The following RIMS2 variants were observed in gnomAD, a reference collection of about 807,000 sequenced individuals.
The protein encoded by RIMS2 is regulating synaptic membrane exocytosis protein 2.
In RIMS2, 59 loss-of-function variants were observed where a neutral mutation model predicts 174.4. The ratio of observed to expected loss-of-function variants is 0.34; its 90% CI spans 0.27 to 0.42. The LOEUF is 0.42. Among genes scored for constraint, RIMS2 ranks in the 10% least tolerant of loss-of-function variants. The pLI, the probability that RIMS2 is intolerant of heterozygous loss-of-function variation, is 1.00. For missense variants in RIMS2, 1,620 were observed against 1,666.3 expected (o/e 0.97, Z 0.48); for synonymous variants, 606 against 572.5 (o/e 1.06, Z -0.84).
At chr8:103,631,381 G>C in intron 1 of RIMS2, among the ~76,000 whole-genome samples, 1 of 152,182 alleles carries the variant, frequency 6.6e-6, no homozygotes, top group Admixed American at 6.5e-5. Flanking sequence ...CATTTATTGC[G>C]TAGAGATTCT....
intron 1 of RIMS2, among the ~76,000 whole-genome samples, chr8:103,631,059 A>G (rs1192288200): frequency 1.3e-5 from 2 of 152,098 alleles, no homozygotes; most frequent in Admixed American, 1.3e-4. Context: ...ATTTTCTCCC[A>G]TTCTGTAGGT....
intron 3 of RIMS2, among the ~76,000 whole-genome samples, chr8:103,824,053 A>C (rs1426689100): frequency 1.3e-5 from 2 of 152,056 alleles, no homozygotes; most frequent in Admixed American, 1.3e-4. Context: ...ATGGCTTTTG[A>C]TTTAGATATG....
At chr8:104,137,049 A>G (rs1172342868) in intron 19 of RIMS2, among the ~76,000 whole-genome samples, 1 of 152,218 alleles carries the variant, frequency 6.6e-6, no homozygotes, top group Non-Finnish European at 1.5e-5. Context: ...CATTATTATC[A>G]GTCATCTACA....
rs60639460 is a variant in RIMS2, at chr8:103,756,390, G to GTT, written c.388-9825_388-9824dup. Among the ~76,000 whole-genome samples, 359 of 112,446 alleles carry GTT rather than the reference G, an allele frequency of 3.2e-3. 4 individuals carry two copies. Among genetic ancestry groups the GTT allele is most frequent in the Middle Eastern group, 8.8e-3 (2 of 228 alleles). The allele number at this position is 112,446 out of a possible 152,430, so 73.8% of individuals were successfully genotyped here. ...GTTTTTTGTTGTTGTTGTTGTTTTT[G>GTT]TTTTTTTTTTTTTGCAGGACTCTTG... On this transcript the variant is annotated intron_variant, in intron 2 of 23. Coordinates refer to ENST00000504942, the Ensembl canonical transcript of RIMS2.
Position 103,927,959 on chromosome 8 carries a change from C to T in RIMS2, c.2244+70C>T, listed in dbSNP as rs369397058. ...CCTATTTGTATGTTTTTGGAAAATGCGTTAGTAGGAAAACTTTTTTTGTTA... is the reference window on the plus strand; with the variant it reads ...CCTATTTGTATGTTTTTGGAAAATGTGTTAGTAGGAAAACTTTTTTTGTTA... On this transcript the variant is annotated intron_variant, in intron 11 of 23. Coordinates refer to ENST00000504942, the Ensembl canonical transcript of RIMS2. The T allele has an allele frequency of 6.8e-5, 87 of 1,281,902 alleles. 1 individual carries two copies. The Admixed American group carries it at 1.6e-3, about 24-fold the overall frequency. 79.4% of individuals were successfully genotyped at this position (1,281,902 alleles called of 1,614,324 possible).
intron 2 of RIMS2, among the ~76,000 whole-genome samples, chr8:103,754,894 G>A (rs1366031907): frequency 3.3e-5 from 5 of 152,108 alleles, no homozygotes; most frequent in Non-Finnish European, 7.4e-5. Flanking sequence ...TTGCCAGTCT[G>A]TGTCTTTTAA....
intron 4 of RIMS2, among the ~76,000 whole-genome samples, chr8:103,903,174 T>A (rs2154524984): frequency 6.6e-6 from 1 of 152,244 alleles, no homozygotes; most frequent in South Asian, 2.1e-4. Flanking sequence ...AGCAATCTGT[T>A]AGATATCACA....
intron 1 of RIMS2, among the ~76,000 whole-genome samples, chr8:103,661,169 G>A (rs967623979): frequency 1.1e-4 from 17 of 152,306 alleles, no homozygotes; most frequent in African/African-American, 3.8e-4. Context: ...TCAATATAAT[G>A]TCTGTGAGAT....
At chr8:103,656,510 A>G (rs1364055700) in intron 1 of RIMS2, among the ~76,000 whole-genome samples, 2 of 152,106 alleles carry the variant, frequency 1.3e-5, no homozygotes, top group African/African-American at 4.8e-5. Context: ...TGTGGTTCCT[A>G]CTCTCAAATA....
chr8:104,204,254 A>G (rs1334390633), intron 19 of RIMS2, among the ~76,000 whole-genome samples: 1 of 152,228 alleles, frequency 6.6e-6, no homozygotes, highest in Non-Finnish European at 1.5e-5. Context: ...GAGGAGAATT[A>G]AGAACTTTGT....
intron 1 of RIMS2, among the ~76,000 whole-genome samples, chr8:103,630,652 A>G (rs901605803): frequency 6.6e-6 from 1 of 151,878 alleles, no homozygotes; most frequent in African/African-American, 2.4e-5. Context: ...TTGAAAGACT[A>G]TGATAAGTCA....
chr8:103,889,532 G>C (rs772078096), intron 4 of RIMS2, among the ~76,000 whole-genome samples: 3 of 151,256 alleles, frequency 2.0e-5, no homozygotes, highest in Non-Finnish European at 3.0e-5. Flanking sequence ...ATTTTTTTTC[G>C]AGGTCCTAGT....
At chr8:104,055,762 C>T (rs914402781) in intron 19 of RIMS2, among the ~76,000 whole-genome samples, 8 of 152,094 alleles carry the variant, frequency 5.3e-5, no homozygotes, top group African/African-American at 1.9e-4. Context: ...CTAAAAGATC[C>T]TTCTACATAA....
chr8:103,623,287 TGGTA>T lies in RIMS2; in HGVS notation c.177-73797_177-73794del, dbSNP rs2095679960. 2.6e-5 allele frequency among the ~76,000 whole-genome samples: 4 copies of T among 152,200 alleles called. No individual in the cohort carries two copies. The South Asian group carries it at 8.3e-4, about 32-fold the overall frequency. On this transcript the variant is annotated intron_variant, in intron 1 of 23. Transcript: ENST00000504942. The stretch of plus-strand genomic sequence containing the variant: ...GGAGTACAATAGCTACCTCATAGAC[TGGTA>T]GTTCAGATTAAGTAAAACAATAAAT...
At chr8:103,624,669 T>G (rs1429099888) in intron 1 of RIMS2, among the ~76,000 whole-genome samples, 1 of 152,196 alleles carries the variant, frequency 6.6e-6, no homozygotes, top group Non-Finnish European at 1.5e-5. Flanking sequence ...TTTATTCTAT[T>G]TAATACACAA....
chr8:104,247,943 G>A (rs138192345), intron 20 of RIMS2, among the ~76,000 whole-genome samples: 6 of 152,120 alleles, frequency 3.9e-5, no homozygotes, highest in Non-Finnish European at 7.3e-5. Flanking sequence ...TCAAAGGATC[G>A]AGCTCCAGTG....
chr8:103,666,800 T>C (rs1158722148), intron 1 of RIMS2, among the ~76,000 whole-genome samples: 1 of 152,136 alleles, frequency 6.6e-6, no homozygotes, highest in Non-Finnish European at 1.5e-5. Flanking sequence ...TTTACGTAGG[T>C]GAGAGTGTGA....
chr8:103,726,409 TTTTTCTTTTA>T (rs2097528079), intron 2 of RIMS2, among the ~76,000 whole-genome samples: 1 of 152,160 alleles, frequency 6.6e-6, no homozygotes, highest in Admixed American at 6.6e-5. Context: ...ATTTATTAAC[TTTTTCTTTTA>T]TGGTTAGTGC....
chr8:103,791,713 G>C (rs1343583623), intron 3 of RIMS2, among the ~76,000 whole-genome samples: 1 of 152,062 alleles, frequency 6.6e-6, no homozygotes, highest in Admixed American at 6.6e-5. Flanking sequence ...TCAAAATAAA[G>C]GGATGGAGGA....
Sources: gnomAD v4.1 joint callset for allele counts (sites outside exome capture counted in the v4.1 genomes callset) on GRCh38, gnomAD v4.1.1 for gene constraint, MANE v1.5 for transcripts, NCBI Gene and HGNC (gene_info 2026-07-23, HGNC 2026-07-21) for gene names.